Variants in ARB2A observed in about 807,000 individuals in gnomAD.
The protein encoded by ARB2A is ARB2 cotranscriptional regulator A.
chr5:93,783,123 A>C, the ARB2A span, among the ~76,000 whole-genome samples: 1 of 151,922 alleles, frequency 6.6e-6, no homozygotes, highest in Admixed American at 6.6e-5. Context: ...GGAATGAAAA[A>C]CTCATGAGTA....
the ARB2A span, among the ~76,000 whole-genome samples, chr5:93,744,390 G>A: frequency 4.5e-5 from 6 of 132,162 alleles, no homozygotes; most frequent in Non-Finnish European, 7.7e-5. Context: ...TGCCGAGATC[G>A]CGCCACTGCA....
chr5:93,797,848 G>T, the ARB2A span, among the ~76,000 whole-genome samples: 1 of 152,086 alleles, frequency 6.6e-6, no homozygotes, highest in Non-Finnish European at 1.5e-5. Context: ...TACTGAAGAC[G>T]TACAGTACAA....
the ARB2A span, among the ~76,000 whole-genome samples, chr5:93,974,931 A>C: frequency 6.6e-6 from 1 of 152,214 alleles, no homozygotes. Context: ...ATTCTTTTAA[A>C]CAAACAAAAA....
chr5:93,871,196 CT>C, the ARB2A span, among the ~76,000 whole-genome samples: 2 of 152,094 alleles, frequency 1.3e-5, no homozygotes, highest in Non-Finnish European at 2.9e-5. Context: ...ATTCTTAAAG[CT>C]TTTCTGATGA....
At chr5:93,837,225 G>C in the ARB2A span, among the ~76,000 whole-genome samples, 1 of 152,102 alleles carries the variant, frequency 6.6e-6, no homozygotes, top group Non-Finnish European at 1.5e-5. Context: ...TTGGTTTTCT[G>C]TTCCTGCATT....
At chr5:93,621,121 G>A in the ARB2A span, 2 of 1,611,370 alleles carry the variant, frequency 1.2e-6, no homozygotes, top group Non-Finnish European at 1.7e-6. Flanking sequence ...AGCTCGTGAC[G>A]GTCGGTGCCT....
At chr5:93,772,254 A>G in the ARB2A span, among the ~76,000 whole-genome samples, 1 of 152,148 alleles carries the variant, frequency 6.6e-6, no homozygotes, top group Non-Finnish European at 1.5e-5. Context: ...GGAATTGAAC[A>G]ATGAGAACAC....
At chr5:93,852,394 T>C in the ARB2A span, among the ~76,000 whole-genome samples, 1 of 152,148 alleles carries the variant, frequency 6.6e-6, no homozygotes, top group African/African-American at 2.4e-5. Flanking sequence ...TTTTCTCCCA[T>C]TTTGTAGGTT....
chr5:93,970,639 G>A, the ARB2A span, among the ~76,000 whole-genome samples: 3,058 of 152,186 alleles, frequency 0.02, 49 homozygotes, highest in Non-Finnish European at 0.033. Flanking sequence ...ACAGCCTTAG[G>A]ATAATAAATC....
At chr5:93,780,101 A>AT in the ARB2A span, among the ~76,000 whole-genome samples, 2 of 152,132 alleles carry the variant, frequency 1.3e-5, no homozygotes, top group African/African-American at 4.8e-5. Flanking sequence ...ATTTTTATTC[A>AT]TTTTTATTGC....
At chr5:93,619,654 T>C in the ARB2A span, 1 of 152,214 alleles carries the variant, frequency 6.6e-6, no homozygotes, top group African/African-American at 2.4e-5. Flanking sequence ...TACTAGGTAA[T>C]TAAACTTTTC....
the ARB2A span, among the ~76,000 whole-genome samples, chr5:93,920,336 C>T: frequency 6.6e-6 from 1 of 152,260 alleles, no homozygotes; most frequent in South Asian, 2.1e-4. Context: ...GATGAGGACA[C>T]AGGTTTAGCA....
At chr5:94,012,775 C>T in the ARB2A span, among the ~76,000 whole-genome samples, 9 of 152,204 alleles carry the variant, frequency 5.9e-5, no homozygotes, top group African/African-American at 2.2e-4. Flanking sequence ...GTGCTAGGAG[C>T]CAATACTATA....
chr5:93,978,149 C>T, the ARB2A span, among the ~76,000 whole-genome samples: 2 of 152,114 alleles, frequency 1.3e-5, no homozygotes, highest in African/African-American at 2.4e-5. Context: ...AAAGAGAACA[C>T]TTATACATTG....
At chr5:93,984,114 T>C in the ARB2A span, among the ~76,000 whole-genome samples, 1 of 152,166 alleles carries the variant, frequency 6.6e-6, no homozygotes, top group African/African-American at 2.4e-5. Context: ...ATAAAGAGAA[T>C]GTTCTTGTTC....
the ARB2A span, among the ~76,000 whole-genome samples, chr5:93,699,767 T>C: frequency 4.7e-3 from 706 of 151,800 alleles, 7 homozygotes; most frequent in African/African-American, 0.016. Context: ...GTTACGTGAA[T>C]TCTAAACTAC....
chr5:94,045,325 C>A, the ARB2A span, among the ~76,000 whole-genome samples: 1 of 151,910 alleles, frequency 6.6e-6, no homozygotes, highest in Non-Finnish European at 1.5e-5. Flanking sequence ...CTTGCTTTTA[C>A]TTTACTTTAT....
the ARB2A span, chr5:93,824,250 T>C: frequency 1.3e-6 from 2 of 1,586,204 alleles, no homozygotes; most frequent in Admixed American, 3.6e-5. Flanking sequence ...TTGCATGTTC[T>C]TCAGGAGAAC....
chr5:94,105,339 A>G, the ARB2A span, among the ~76,000 whole-genome samples: 1 of 151,996 alleles, frequency 6.6e-6, no homozygotes, highest in Non-Finnish European at 1.5e-5. Context: ...CATTTCAGCA[A>G]TAACGTCCAA....
Sources: allele counts gnomAD v4.1 joint callset (sites outside exome capture counted in the v4.1 genomes callset), GRCh38; gene constraint gnomAD v4.1.1; transcripts MANE v1.5; gene names NCBI Gene and HGNC (gene_info 2026-07-23, HGNC 2026-07-21).